Variants in FRYL observed in about 807,000 individuals in gnomAD.
The protein encoded by FRYL is FRY like transcription coactivator.
Under a neutral mutation model 351.2 loss-of-function variants are expected in FRYL, and 150 were observed. That is an observed-to-expected ratio of 0.43 (90% confidence interval 0.37 to 0.49). The LOEUF (loss-of-function observed/expected upper bound fraction) is 0.49, where lower values mean the gene tolerates loss of function less well. Ranked by LOEUF, FRYL falls within the 20% of genes least tolerant of loss-of-function variation. The pLI, the probability that FRYL is intolerant of heterozygous loss-of-function variation, is 0.00. For synonymous variants in FRYL, 1,153 were observed against 1,257.1 expected, an observed-to-expected ratio of 0.92 and a Z score of 1.75; for missense variants, 3,036 against 3,619.3, an observed-to-expected ratio of 0.84 and a Z score of 4.13.
At chr4:48,616,178 T>C (rs895940034) in intron 7 of FRYL, among the ~76,000 whole-genome samples, 3 of 151,308 alleles carry the variant, frequency 2.0e-5, no homozygotes, top group Non-Finnish European at 4.4e-5. Context: ...GTAAAAAACC[T>C]GCATGTGCTG....
chr4:48,517,060 C>T (rs542264486), intron 55 of FRYL, among the ~76,000 whole-genome samples: 301 of 152,214 alleles, frequency 2.0e-3, no homozygotes, highest in Non-Finnish European at 2.3e-3. Context: ...AACTCTGAGT[C>T]TTTACTTCAG....
intron 1 of FRYL, among the ~76,000 whole-genome samples, chr4:48,714,805 C>A (rs1380142990): frequency 6.7e-6 from 1 of 149,716 alleles, no homozygotes; most frequent in Admixed American, 6.6e-5. Flanking sequence ...CAAAGCCGGG[C>A]AGAGACACAA....
chr4:48,627,914 G>T (rs888728803), intron 4 of FRYL, among the ~76,000 whole-genome samples: 1 of 152,066 alleles, frequency 6.6e-6, no homozygotes, highest in South Asian at 2.1e-4. Flanking sequence ...GGGATTACAG[G>T]CGCCTACTAC....
chr4:48,690,650 T>C (rs891794787), intron 2 of FRYL, among the ~76,000 whole-genome samples: 2 of 152,182 alleles, frequency 1.3e-5, no homozygotes, highest in African/African-American at 2.4e-5. Flanking sequence ...TGTGACCCCT[T>C]AGAAAAATTC....
chr4:48,573,414 C>T (rs1738819440), intron 25 of FRYL, among the ~76,000 whole-genome samples, 171 bp from the exon 26 acceptor site: 1 of 151,800 alleles, frequency 6.6e-6, no homozygotes, highest in Non-Finnish European at 1.5e-5. Context: ...ATATTATAGA[C>T]TATTTGGAAA....
chr4:48,540,252 C>T, intron 46 of FRYL, 101 bp downstream of exon 46: 1 of 1,364,912 alleles, frequency 7.3e-7, no homozygotes, highest in Non-Finnish European at 9.8e-7. Flanking sequence ...AAAACTATGA[C>T]TATTTGCAAA....
At chr4:48,602,174 G>C in intron 12 of FRYL, 53 bp from the exon 13 acceptor site, 1 of 905,032 alleles carries the variant, frequency 1.1e-6, no homozygotes. Flanking sequence ...AAAAGCACTG[G>C]ACTTTTAAAT....
intron 49 of FRYL, among the ~76,000 whole-genome samples, chr4:48,533,305 T>A (rs1335216761): frequency 6.6e-6 from 1 of 152,088 alleles, no homozygotes; most frequent in Non-Finnish European, 1.5e-5. Flanking sequence ...AAGAGAAATG[T>A]GCTTTAGAAA....
At chr4:48,504,118 AGTGT>A (rs138891510) in intron 60 of FRYL, among the ~76,000 whole-genome samples, 5 of 151,568 alleles carry the variant, frequency 3.3e-5, no homozygotes, top group South Asian at 2.1e-4. Flanking sequence ...TTTGTGGATG[AGTGT>A]GTGTGTGTGT....
chr4:48,663,060 T>A (rs908529904), intron 3 of FRYL, among the ~76,000 whole-genome samples: 8 of 152,082 alleles, frequency 5.3e-5, no homozygotes, highest in Admixed American at 3.3e-4. Context: ...ACAGTAAATG[T>A]GTAGTTAAAA....
intron 42 of FRYL, among the ~76,000 whole-genome samples, chr4:48,545,168 T>C (rs1230885180): frequency 6.6e-6 from 1 of 152,194 alleles, no homozygotes; most frequent in Non-Finnish European, 1.5e-5. Context: ...GTGTGAAGCA[T>C]ATTGGTTACT....
chr4:48,540,789 G>A lies in FRYL; in HGVS notation c.5859C>T (p.Asp1953=). 1 of 1,613,866 alleles carries A rather than the reference G, an allele frequency of 6.2e-7. No individual in the cohort carries two copies. The highest frequency in any genetic ancestry group is 2.2e-5 in the East Asian group (1 of 44,882). ...RLSLIGDRRG[D]RRRSNTLDIM... The stretch of plus-strand genomic sequence containing the variant: ...TATCCAGTGTGTTACTCCGCCGCCG[G>A]TCACCTCGTCGGTCACCAATCAAAC... The change falls in exon 46 of 64, where the codon GAC becomes GAT. Residue 1953 remains aspartate, a synonymous_variant. Coordinates refer to ENST00000358350, the MANE Select transcript of FRYL (RefSeq NM_015030.2).
intron 1 of FRYL, among the ~76,000 whole-genome samples, chr4:48,743,014 T>C (rs1772288364): frequency 8.2e-6 from 1 of 121,660 alleles, no homozygotes; most frequent in Non-Finnish European, 1.7e-5. Flanking sequence ...AGACAGAGTT[T>C]CATCACGTCG....
intron 1 of FRYL, among the ~76,000 whole-genome samples, chr4:48,712,043 AC>A (rs1768120733): frequency 6.6e-6 from 1 of 152,218 alleles, no homozygotes; most frequent in South Asian, 2.1e-4. Flanking sequence ...AACAGAAAGG[AC>A]ATCCACACCA....
At chr4:48,752,031 T>A (rs565801304) in intron 1 of FRYL, among the ~76,000 whole-genome samples, 1 of 152,140 alleles carries the variant, frequency 6.6e-6, no homozygotes, top group East Asian at 1.9e-4. Context: ...TCCTCAATGA[T>A]AAGATGAGAG....
rs764181455 is a variant in FRYL at position 48,528,180 on chromosome 4, A to G, written c.7060T>C (p.Ser2354Pro). 1.9e-6 allele frequency: 3 copies of G among 1,612,538 alleles called. No individual in the cohort carries two copies. Among genetic ancestry groups the G allele is most frequent in the Non-Finnish European group, 1.7e-6 (2 of 1,178,998 alleles). The change falls in exon 51 of 64, where the codon TCA becomes CCA. Residue 2354 changes from serine to proline, a missense_variant. By Grantham distance (74) the Ser-to-Pro change is moderately conservative (BLOSUM62 -1). Around this residue, in one of 7 missense-constraint regions of FRYL, gnomAD observed 1,987 missense variants for 2,311.7 expected, o/e 0.86. Transcript: ENST00000358350. ...TTTTGATATTCTTTATGTACCTGTG[A>G]TAACTGTGGCCTTTTCCAACTAACA... ...VPVSWKRPQL[S>P]QRRTREKLMN...
intron 3 of FRYL, among the ~76,000 whole-genome samples, chr4:48,671,876 A>AAAAAAAAAAAAAAAAAAAAAAG (rs1762802389): frequency 6.8e-6 from 1 of 146,350 alleles, no homozygotes; most frequent in Non-Finnish European, 1.5e-5. Context: ...AAAAAAACAA[A>AAAAAAAAAAAAAAAAAAAAAAG]AAAAAAAAAA....
intron 3 of FRYL, among the ~76,000 whole-genome samples, chr4:48,647,952 A>T (rs1417121869): frequency 1.3e-5 from 2 of 152,166 alleles, no homozygotes; most frequent in East Asian, 3.8e-4. Flanking sequence ...AACTGACCCT[A>T]CAAAATTAGT....
At chr4:48,575,783 T>C (rs1200303657) in intron 24 of FRYL, among the ~76,000 whole-genome samples, 2 of 152,212 alleles carry the variant, frequency 1.3e-5, no homozygotes, top group African/African-American at 4.8e-5. Context: ...TCTTTAAAAA[T>C]GTTGAGTATG....
Sources: gnomAD v4.1 joint callset for allele counts (sites outside exome capture counted in the v4.1 genomes callset) on GRCh38, gnomAD v4.1.1 for gene constraint, gnomAD v4.1.1 regional missense constraint, MANE v1.5 for transcripts, NCBI Gene and HGNC (gene_info 2026-07-23, HGNC 2026-07-21) for gene names.